Variants in FBXL18 observed in about 807,000 individuals in gnomAD.
FBXL18 encodes F-box/LRR-repeat protein 18.
In FBXL18, 36 loss-of-function variants were observed where a neutral mutation model predicts 46.0. The observed-to-expected ratio is 0.78, with a 90% confidence interval of 0.60 to 1.03. FBXL18 has a LOEUF of 1.03. Among genes scored for constraint, FBXL18 ranks in the 50% least tolerant of loss-of-function variants. FBXL18 has a pLI of 0.00. For missense variants in FBXL18, 977 were observed against 1,004.1 expected (o/e 0.97, Z 0.36); for synonymous variants, 557 against 465.3 (o/e 1.20, Z -2.54).
At chr7:5,465,869 G>A (rs1437868327) in intron 4 of FBXL18, among the ~76,000 whole-genome samples, 1 of 151,120 alleles carries the variant, frequency 6.6e-6, no homozygotes, top group African/African-American at 2.4e-5. Context: ...CCAGTCTGGA[G>A]TGCAGGGGCA....
chr7:5,498,743 GTA>G (rs1213140868), intron 3 of FBXL18, among the ~76,000 whole-genome samples: 1 of 152,044 alleles, frequency 6.6e-6, no homozygotes, highest in Non-Finnish European at 1.5e-5. Flanking sequence ...GCTAATTTCT[GTA>G]TGTTTTTGGT....
intron 4 of FBXL18, among the ~76,000 whole-genome samples, chr7:5,460,229 G>A (rs1275101265): frequency 6.6e-6 from 1 of 152,194 alleles, no homozygotes; most frequent in Non-Finnish European, 1.5e-5. Context: ...CTGGGCGACA[G>A]AGTGAGTGAG....
Position 5,496,045 on chromosome 7 carries a change from T to G in FBXL18, c.1781+4443A>C. On this transcript the variant is annotated intron_variant, in intron 3 of 4. Coordinates refer to ENST00000382368, the MANE Select transcript of FBXL18 (RefSeq NM_024963.6). The surrounding 1 kb of genome is among the most constrained non-coding windows in gnomAD (Gnocchi z 4.8). ...ATGGCCCTGCTCCTGAGGAAGGCCCTTGGCCACGGGGATTCCGTCCCAGAC... is the reference window on the plus strand; with the variant it reads ...ATGGCCCTGCTCCTGAGGAAGGCCCGTGGCCACGGGGATTCCGTCCCAGAC... 1 of 367,126 alleles carries G rather than the reference T, an allele frequency of 2.7e-6. No homozygotes were observed. Among genetic ancestry groups the G allele is most frequent in the Non-Finnish European group, 5.6e-6 (1 of 177,214 alleles). 22.7% of individuals were successfully genotyped at this position (367,126 alleles called of 1,614,324 possible). A position where few individuals can be genotyped will look rare whatever the true frequency, so the allele number is the denominator to read the frequency against.
chr7:5,461,709 G>A (rs180965034), intron 4 of FBXL18, among the ~76,000 whole-genome samples: 114 of 152,276 alleles, frequency 7.5e-4, no homozygotes, highest in African/African-American at 2.7e-3. Flanking sequence ...GGGAGGCCAA[G>A]GCGGGCAGAT....
chr7:5,463,581 G>C (rs946703157), intron 4 of FBXL18, among the ~76,000 whole-genome samples: 3 of 151,112 alleles, frequency 2.0e-5, no homozygotes, highest in African/African-American at 7.3e-5. Context: ...ATTGTGCCAC[G>C]GCACTCCCTC....
rs185103979 is a variant in FBXL18 at position 5,469,525 on chromosome 7, G to A, written c.2001-21682C>T. On this transcript the variant is annotated intron_variant and NMD_transcript_variant, in intron 4 of 6. Transcript: ENST00000415009. ...TGTACTTGTGCACGTGAGTGTGAAT[G>A]TGTGAGCTATCAGTGTGTGGGTGTG... Among the ~76,000 whole-genome samples, 3 of 152,260 alleles carry A rather than the reference G, an allele frequency of 2.0e-5. No individual in the cohort carries two copies. In the East Asian group the frequency reaches 5.8e-4, roughly 29 times the overall value.
In FBXL18 at chr7:5,455,273, G is replaced by A. The variant is rs913741171; in HGVS notation, c.2001-7430C>T. Among the ~76,000 whole-genome samples, 2 of 151,944 alleles carry A rather than the reference G, an allele frequency of 1.3e-5. No homozygotes were observed. Among genetic ancestry groups the A allele is most frequent in the African/African-American group, 2.4e-5 (1 of 41,352 alleles). On this transcript the variant is annotated intron_variant and NMD_transcript_variant, in intron 4 of 6. Coordinates refer to the FBXL18 transcript ENST00000415009. The surrounding 1 kb of genome is among the most constrained non-coding windows in gnomAD (Gnocchi z 4.6). ...GGGAACATATCTGGGGAGCAGTATC[G>A]GGAGCACCTGCAGGGAGTATTCTCG...
chr7:5,456,213 G>T (rs1438659086), intron 4 of FBXL18, among the ~76,000 whole-genome samples: 13 of 152,228 alleles, frequency 8.5e-5, no homozygotes, highest in African/African-American at 3.1e-4. Flanking sequence ...TCCCATCCCT[G>T]GTCCTTTAGG....
In FBXL18 at chr7:5,500,616, G is replaced by C; in HGVS notation, c.1653C>G (p.Val551=). 1.2e-6 allele frequency: 2 copies of C among 1,613,250 alleles called. No homozygotes were observed. Among genetic ancestry groups the C allele is most frequent in the Non-Finnish European group, 1.7e-6 (2 of 1,179,862 alleles). ...ACTGCTGGCACTGCAGGCCGATATT[G>C]ACCAGCCCGGAGCCCGTAAGGACGC... is the stretch of plus-strand genomic sequence containing the variant. ...LPSVLTGSGL[V]NIGLQCQQLR... is the part of the protein sequence containing the mutation. The change falls in exon 3 of 5, where the codon GTC becomes GTG. Residue 551 remains valine (V), a synonymous_variant. Transcript: ENST00000382368.
intron 4 of FBXL18, among the ~76,000 whole-genome samples, chr7:5,454,979 A>G (rs1434812686): frequency 6.6e-6 from 1 of 152,174 alleles, no homozygotes; most frequent in Non-Finnish European, 1.5e-5. Context: ...TCACCCCTAC[A>G]GTTGGGGAAA....
At chr7:5,488,543 C>T (rs184858369) in intron 4 of FBXL18, among the ~76,000 whole-genome samples, 20 of 152,288 alleles carry the variant, frequency 1.3e-4, no homozygotes, top group Admixed American at 1.2e-3. Context: ...GAGCTGAGAC[C>T]GTCCCGCATG....
chr7:5,505,131 A>T (rs948484152), intron 2 of FBXL18, among the ~76,000 whole-genome samples: 13 of 151,570 alleles, frequency 8.6e-5, no homozygotes, highest in Non-Finnish European at 1.8e-4. Flanking sequence ...GATCCACAAG[A>T]AAGCACATCT....
chr7:5,501,436 G>GC lies in FBXL18; in HGVS notation c.832dup (p.Ala278GlyfsTer150). 1.9e-6 allele frequency: 3 copies of GC among 1,612,730 alleles called. No individual in the cohort carries two copies. Among genetic ancestry groups the GC allele is most frequent in the Non-Finnish European group, 2.5e-6 (3 of 1,179,828 alleles). On this transcript the variant is annotated frameshift_variant, in exon 3 of 5. Coordinates refer to ENST00000382368, the MANE Select transcript of FBXL18 (RefSeq NM_024963.6). LOFTEE classifies it high-confidence loss of function. ...CATGGAGTCCAGGAGGTTCTTGGTG[G>GC]CGCCGCTCTCCGCGAAGCTGCCAGG...
intron 4 of FBXL18, among the ~76,000 whole-genome samples, chr7:5,484,361 T>C (rs923502131): frequency 3.3e-5 from 5 of 151,418 alleles, no homozygotes; most frequent in Non-Finnish European, 5.9e-5. Context: ...GTCCCAGCTA[T>C]TCGGAAGGCT....
chr7:5,473,362 G>A (rs1235412711), downstream of FBXL18, among the ~76,000 whole-genome samples: 1 of 152,056 alleles, frequency 6.6e-6, no homozygotes, highest in Admixed American at 6.6e-5. Flanking sequence ...CCGGATCCTG[G>A]TGCCTCCTCC....
intron 4 of FBXL18, among the ~76,000 whole-genome samples, chr7:5,463,712 A>ATATATATATAT (rs1783292419): frequency 5.3e-5 from 3 of 56,470 alleles, no homozygotes; most frequent in African/African-American, 7.4e-5. Flanking sequence ...ATATTTATTT[A>ATATATATATAT]TTTATTTATT....
chr7:5,486,721 G>A (rs1783786446), intron 4 of FBXL18, among the ~76,000 whole-genome samples: 1 of 152,200 alleles, frequency 6.6e-6, no homozygotes, highest in East Asian at 1.9e-4. Flanking sequence ...AGGTGAGTCT[G>A]TCAGAGACAG....
intron 3 of FBXL18, among the ~76,000 whole-genome samples, chr7:5,497,527 T>C (rs1356128444): frequency 6.6e-6 from 1 of 152,060 alleles, no homozygotes; most frequent in Non-Finnish European, 1.5e-5. Flanking sequence ...AGGTCTGCAG[T>C]GGGAGGAGGT....
chr7:5,505,600 G>A lies in FBXL18; in HGVS notation c.49C>T (p.Pro17Ser), dbSNP rs554752112. 4 of 1,613,904 alleles carry A rather than the reference G, an allele frequency of 2.5e-6. No individual in the cohort carries two copies. In the East Asian group the frequency reaches 6.7e-5, roughly 27 times the overall value. Residue 17 changes from proline (P) to serine (S), a missense_variant, in exon 2 of 5, where the codon CCT (proline) becomes TCT (serine). Physicochemically the swap from Pro to Ser is moderately conservative, Grantham distance 74. Transcript: ENST00000382368. ...CCGTCTGCCATCCCGGCTGCTGCAG[G>A]GTGCATGTCATCATCATCATTGGAT... is the stretch of plus-strand genomic sequence containing the variant. Reference protein sequence around the residue: ...DISNDDDDMHPAAAGMADGVH... With the variant: ...DISNDDDDMHSAAAGMADGVH...
Sources: gnomAD v4.1 joint callset for allele counts (sites outside exome capture counted in the v4.1 genomes callset) on GRCh38, gnomAD v4.1.1 for gene constraint, Gnocchi (gnomAD v3.1) non-coding constraint, MANE v1.5 for transcripts, NCBI Gene and HGNC (gene_info 2026-07-23, HGNC 2026-07-21) for gene names.